Variants in ENTPD1 observed in about 807,000 individuals in gnomAD.
ENTPD1 encodes the protein ectonucleoside triphosphate diphosphohydrolase 1.
ENTPD1 carries 33 observed loss-of-function variants against 57.0 expected under a neutral mutation model. That is an observed-to-expected ratio of 0.58 (90% confidence interval 0.44 to 0.77). The LOEUF is 0.77. Ranked by LOEUF, ENTPD1 falls within the 30% of genes least tolerant of loss-of-function variation. ENTPD1 has a pLI of 0.00. For synonymous variants in ENTPD1, 202 were observed against 218.8 expected, an observed-to-expected ratio of 0.92 and a Z score of 0.68; for missense variants, 501 against 603.4, an observed-to-expected ratio of 0.83 and a Z score of 1.78.
At chr10:95,811,411 C>T (rs1424072771) in intron 1 of ENTPD1, among the ~76,000 whole-genome samples, 1 of 152,162 alleles carries the variant, frequency 6.6e-6, no homozygotes, top group Non-Finnish European at 1.5e-5. Context: ...TCATCTTTGC[C>T]ACTTTACTCT....
At chr10:95,852,862 C>T (rs376584112) in intron 7 of ENTPD1, among the ~76,000 whole-genome samples, 4 of 152,154 alleles carry the variant, frequency 2.6e-5, no homozygotes, top group South Asian at 4.2e-4. Flanking sequence ...AGTCAGGTAG[C>T]GTGATGCCTT....
chr10:95,766,444 C>G (rs2098088660), intron 1 of ENTPD1, among the ~76,000 whole-genome samples: 1 of 152,172 alleles, frequency 6.6e-6, no homozygotes, highest in Non-Finnish European at 1.5e-5. Flanking sequence ...GATTCTCTAA[C>G]AGTGCTTCAA....
intron 1 of ENTPD1, among the ~76,000 whole-genome samples, chr10:95,741,707 T>C (rs2098000561): frequency 6.6e-6 from 1 of 152,186 alleles, no homozygotes; most frequent in Admixed American, 6.5e-5. Context: ...TTGGCACTTA[T>C]GAAAGTCTCT....
intron 2 of ENTPD1, among the ~76,000 whole-genome samples, chr10:95,837,985 A>C (rs996268044): frequency 6.8e-6 from 1 of 146,424 alleles, no homozygotes; most frequent in South Asian, 2.2e-4. Context: ...CACACACACC[A>C]CACACCCACA....
At chr10:95,797,139 C>A (rs950116036) in intron 1 of ENTPD1, among the ~76,000 whole-genome samples, 2 of 152,070 alleles carry the variant, frequency 1.3e-5, no homozygotes, top group African/African-American at 4.8e-5. Flanking sequence ...TGGGTGGAAT[C>A]AACAAAACTT....
At chr10:95,716,936 A>G (rs925344704) in intron 1 of ENTPD1, among the ~76,000 whole-genome samples, 1 of 152,178 alleles carries the variant, frequency 6.6e-6, no homozygotes, top group Non-Finnish European at 1.5e-5. Context: ...GTGACCATAG[A>G]GTGGTACTGT....
At chr10:95,756,490 A>G (rs1415113866) in intron 1 of ENTPD1, 3 of 554,704 alleles carry the variant, frequency 5.4e-6, no homozygotes, top group Non-Finnish European at 9.6e-6. Context: ...GGGGCTCATG[A>G]ATATTCATTA....
intron 7 of ENTPD1, among the ~76,000 whole-genome samples, chr10:95,856,259 A>G (rs2098454532): frequency 6.6e-6 from 1 of 152,226 alleles, no homozygotes; most frequent in African/African-American, 2.4e-5. Flanking sequence ...ATCACTAATT[A>G]TCAGGGAAAT....
chr10:95,769,669 G>C (rs978569471), intron 1 of ENTPD1, among the ~76,000 whole-genome samples: 1 of 152,202 alleles, frequency 6.6e-6, no homozygotes, highest in Non-Finnish European at 1.5e-5. Context: ...CAGACATAAA[G>C]GGATATAAGC....
chr10:95,784,102 C>CTTTTTT (rs200561277), intron 1 of ENTPD1, among the ~76,000 whole-genome samples: 8 of 134,610 alleles, frequency 5.9e-5, no homozygotes, highest in South Asian at 2.3e-4. Flanking sequence ...TTTGCTTGTT[C>CTTTTTT]TTTTTTTTTT....
Position 95,873,154 on chromosome 10 carries a change from CAGGAA to C in ENTPD1, c.*6772_*6776del. 2 of 984,816 alleles carry C rather than the reference CAGGAA, an allele frequency of 2.0e-6. No homozygotes were observed. Among genetic ancestry groups the C allele is most frequent in the Non-Finnish European group, 1.2e-6 (1 of 829,462 alleles). 61.0% of individuals were successfully genotyped at this position (984,816 alleles called of 1,614,324 possible). A position where few individuals can be genotyped will look rare whatever the true frequency, so the allele number is the denominator to read the frequency against. On this transcript the variant is annotated 3_prime_UTR_variant, in exon 10 of 10. Transcript: ENST00000371205. ...GCCAGGTAAAGCCAATACATCTGTC[CAGGAA>C]TCACACTTTGCGTATCAAAGGTCTA...
chr10:95,730,664 A>C (rs1400793700), intron 1 of ENTPD1, among the ~76,000 whole-genome samples: 1 of 152,262 alleles, frequency 6.6e-6, no homozygotes, highest in African/African-American at 2.4e-5. Context: ...ATTTATTTAT[A>C]GCCATTCTTA....
chr10:95,798,392 T>C (rs911802035), intron 1 of ENTPD1, among the ~76,000 whole-genome samples: 4 of 152,024 alleles, frequency 2.6e-5, no homozygotes, highest in African/African-American at 7.3e-5. Context: ...GTGGCATGGA[T>C]CAGCTCTCTG....
chr10:95,780,362 C>T (rs745880610), intron 1 of ENTPD1, among the ~76,000 whole-genome samples: 4 of 152,132 alleles, frequency 2.6e-5, no homozygotes, highest in African/African-American at 7.2e-5. Flanking sequence ...CAGTGCCAAG[C>T]ATATTGTAGG....
chr10:95,835,636 G>A (rs1263540558), intron 2 of ENTPD1, among the ~76,000 whole-genome samples: 1 of 152,146 alleles, frequency 6.6e-6, no homozygotes, highest in Non-Finnish European at 1.5e-5. Flanking sequence ...ATTCTGACTG[G>A]TATAAGATGG....
intron 1 of ENTPD1, among the ~76,000 whole-genome samples, chr10:95,783,141 C>T (rs1050710520): frequency 7.9e-5 from 12 of 152,184 alleles, no homozygotes; most frequent in African/African-American, 2.9e-4. Flanking sequence ...TTTTTGAGAG[C>T]ATCTAAATGT....
chr10:95,835,773 TTG>T (rs1478249205), intron 2 of ENTPD1, among the ~76,000 whole-genome samples: 2 of 146,472 alleles, frequency 1.4e-5, no homozygotes, highest in Non-Finnish European at 3.0e-5. Flanking sequence ...GACCCACTTT[TTG>T]TGTGTTTACT....
intron 1 of ENTPD1, among the ~76,000 whole-genome samples, chr10:95,721,002 T>G (rs1442791014): frequency 6.6e-6 from 1 of 152,190 alleles, no homozygotes; most frequent in African/African-American, 2.4e-5. Context: ...AATAGGGTTT[T>G]TTAAGTTTTG....
intron 1 of ENTPD1, among the ~76,000 whole-genome samples, chr10:95,747,283 C>T (rs571931908): frequency 2.6e-5 from 4 of 152,260 alleles, no homozygotes; most frequent in East Asian, 3.9e-4. Context: ...CTTTGACATA[C>T]GTTATGAAGA....
Sources: gnomAD v4.1 joint callset for allele counts (sites outside exome capture counted in the v4.1 genomes callset) on GRCh38, gnomAD v4.1.1 for gene constraint, MANE v1.5 for transcripts, NCBI Gene and HGNC (gene_info 2026-07-23, HGNC 2026-07-21) for gene names.